MICU3: variants seen among roughly 807,000 people sequenced by gnomAD.
MICU3 encodes the protein mitochondrial calcium uptake 3.
Under a neutral mutation model 66.5 loss-of-function variants are expected in MICU3, and 62 were observed. That is an observed-to-expected ratio of 0.93 (90% CI 0.76 to 1.15). The LOEUF (loss-of-function observed/expected upper bound fraction) is 1.15. Ranked by LOEUF, MICU3 falls within the 50% of genes most tolerant of loss-of-function variation. The pLI is 0.00. For synonymous variants in MICU3, 308 were observed against 240.7 expected, an observed-to-expected ratio of 1.28 and a Z score of -2.59; for missense variants, 779 against 664.4, an observed-to-expected ratio of 1.17 and a Z score of -1.90.
chr8:17,071,688 G>C (rs1819611883), intron 3 of MICU3, among the ~76,000 whole-genome samples: 1 of 152,108 alleles, frequency 6.6e-6, no homozygotes, highest in African/African-American at 2.4e-5. Context: ...ATAAATTTTA[G>C]ATTTGTTTAA....
At chr8:17,115,034 G>C (rs1055171318) in intron 12 of MICU3, among the ~76,000 whole-genome samples, 2 of 150,982 alleles carry the variant, frequency 1.3e-5, no homozygotes, top group Non-Finnish European at 3.0e-5. Context: ...CAGGAGAATG[G>C]CGTGAACCCG....
intron 1 of MICU3, among the ~76,000 whole-genome samples, chr8:17,034,061 C>T (rs1437769272): frequency 6.6e-6 from 1 of 152,148 alleles, no homozygotes. Context: ...GATAGGCTGG[C>T]CCTTTTGTTA....
chr8:17,048,434 T>G (rs1466241059), intron 1 of MICU3, among the ~76,000 whole-genome samples: 1 of 152,182 alleles, frequency 6.6e-6, no homozygotes, highest in Non-Finnish European at 1.5e-5. Flanking sequence ...GGAACGCCCC[T>G]TTATATAAAA....
intron 11 of MICU3, among the ~76,000 whole-genome samples, chr8:17,108,866 C>T (rs1188464851): frequency 6.6e-6 from 1 of 152,130 alleles, no homozygotes; most frequent in Non-Finnish European, 1.5e-5. Context: ...TCCCTCATTA[C>T]CTTTGACCTC....
the MICU3 span, among the ~76,000 whole-genome samples, chr8:17,133,234 GTTGT>G: frequency 1.3e-3 from 194 of 152,220 alleles, no homozygotes; most frequent in African/African-American, 4.5e-3. Flanking sequence ...GCACTATCTA[GTTGT>G]TTGTTTGTTT....
At chr8:17,128,595 A>T in the MICU3 span, among the ~76,000 whole-genome samples, 5 of 152,190 alleles carry the variant, frequency 3.3e-5, no homozygotes, top group Admixed American at 2.0e-4. Context: ...AGCCATGACT[A>T]TTAGACTTAT....
At chr8:17,066,544 T>TATATAGA (rs1491234403) in intron 2 of MICU3, among the ~76,000 whole-genome samples, 53 of 61,500 alleles carry the variant, frequency 8.6e-4, no homozygotes, top group East Asian at 2.0e-3. Flanking sequence ...TATATATAGA[T>TATATAGA]TTTTTTTTTT....
chr8:17,078,378 T>TA (rs1436288541), intron 4 of MICU3, among the ~76,000 whole-genome samples: 1 of 151,948 alleles, frequency 6.6e-6, no homozygotes, highest in East Asian at 1.9e-4. Flanking sequence ...TGTTTCAACT[T>TA]ACTCTATTAT....
At chr8:17,125,215 A>C (rs1312174756), downstream of MICU3, among the ~76,000 whole-genome samples, 1 of 151,828 alleles carries the variant, frequency 6.6e-6, no homozygotes, top group African/African-American at 2.4e-5. Context: ...ATTTCCAATT[A>C]GTCTTCTATC....
intron 4 of MICU3, among the ~76,000 whole-genome samples, chr8:17,080,043 T>G (rs1162282649): frequency 1.3e-5 from 2 of 152,012 alleles, no homozygotes; most frequent in African/African-American, 2.4e-5. Context: ...TTTCTTATCC[T>G]CTGTTTCTAA....
chr8:17,069,525 A>T (rs1819228182), intron 2 of MICU3, among the ~76,000 whole-genome samples, 163 bp from the exon 3 acceptor site: 1 of 152,060 alleles, frequency 6.6e-6, no homozygotes, highest in African/African-American at 2.4e-5. Context: ...TAGATAACAT[A>T]TATAAGATCA....
At chr8:17,123,432 G>C (rs1440397712), downstream of MICU3, among the ~76,000 whole-genome samples, 1 of 152,058 alleles carries the variant, frequency 6.6e-6, no homozygotes, top group Admixed American at 6.6e-5. Flanking sequence ...AATGAGGATA[G>C]ATTTTTTTTT....
intron 10 of MICU3, among the ~76,000 whole-genome samples, 186 bp from the exon 11 acceptor site, chr8:17,105,227 T>G (rs1801639532): frequency 6.6e-6 from 1 of 151,992 alleles, no homozygotes; most frequent in African/African-American, 2.4e-5. Context: ...GGTGCTACAG[T>G]CATTAAGTAG....
Position 17,103,062 on chromosome 8 carries a change from A to G in MICU3, c.985-1329A>G, listed in dbSNP as rs142286761. 8.5e-5 allele frequency among the ~76,000 whole-genome samples: 13 copies of G among 152,118 alleles called. No individual in the cohort carries two copies. In the East Asian group the frequency reaches 2.3e-3, roughly 27 times the overall value. ...GACCCTACATGCTGGAGTTTTTAAG[A>G]CATGTGAATAATTAGTCACTTTAGA... On this transcript the variant is annotated intron_variant, in intron 9 of 14. Coordinates refer to ENST00000318063, the MANE Select transcript of MICU3 (RefSeq NM_181723.3).
chr8:17,137,272 T>C, the MICU3 span, among the ~76,000 whole-genome samples: 2 of 152,058 alleles, frequency 1.3e-5, no homozygotes, highest in Admixed American at 6.6e-5. Context: ...TGATTCTACA[T>C]AGGAGTTAAA....
chr8:17,074,118 C>G (rs1232343225), intron 3 of MICU3, among the ~76,000 whole-genome samples: 1 of 151,178 alleles, frequency 6.6e-6, no homozygotes, highest in East Asian at 1.9e-4. Context: ...CATCTCCTGA[C>G]CTCGTGATCC....
intron 8 of MICU3, among the ~76,000 whole-genome samples, chr8:17,094,627 C>T (rs904704526): frequency 1.3e-5 from 2 of 151,878 alleles, no homozygotes; most frequent in Admixed American, 1.3e-4. Context: ...AAGTGACAGG[C>T]TCTCGCTTGG....
intron 1 of MICU3, among the ~76,000 whole-genome samples, chr8:17,055,207 T>C (rs574401348): frequency 6.6e-6 from 1 of 152,290 alleles, no homozygotes; most frequent in African/African-American, 2.4e-5. Context: ...CTGCAGGAGA[T>C]GAAATGTATG....
chr8:17,100,410 G>A (rs1326047926), intron 9 of MICU3, among the ~76,000 whole-genome samples: 1 of 151,530 alleles, frequency 6.6e-6, no homozygotes, highest in Non-Finnish European at 1.5e-5. Flanking sequence ...TAATTACTTG[G>A]GGTTTATCTG....
Sources: allele counts gnomAD v4.1 joint callset (sites outside exome capture counted in the v4.1 genomes callset), GRCh38; gene constraint gnomAD v4.1.1; transcripts MANE v1.5; gene names NCBI Gene and HGNC (gene_info 2026-07-23, HGNC 2026-07-21).